The following ABCC8 variants were observed in gnomAD, a reference collection of about 807,000 sequenced individuals.
ABCC8 encodes ATP binding cassette subfamily C member 8.
ABCC8 carries 137 observed loss-of-function variants against 188.0 expected under a neutral mutation model. That is an observed-to-expected ratio of 0.73 (90% CI 0.63 to 0.84). The LOEUF is 0.84. ABCC8 is among the 40% of genes least tolerant of loss of function. The pLI, the probability that ABCC8 is intolerant of heterozygous loss-of-function variation, is 0.00. For missense variants in ABCC8, 1,750 were observed against 2,072.7 expected (o/e 0.84, Z 3.02); for synonymous variants, 797 against 846.5 (o/e 0.94, Z 1.01).
chr11:17,433,551 G>A (rs1955943637), intron 10 of ABCC8, among the ~76,000 whole-genome samples: 1 of 152,268 alleles, frequency 6.6e-6, no homozygotes, highest in Admixed American at 6.5e-5. Context: ...GTGGGTGGAA[G>A]GACATGGCCT....
chr11:17,463,120 C>T (rs1235327403), intron 4 of ABCC8, among the ~76,000 whole-genome samples: 1 of 152,100 alleles, frequency 6.6e-6, no homozygotes, highest in Non-Finnish European at 1.5e-5. Flanking sequence ...AAGTCCCCCA[C>T]CCCCGAAGAA....
At chr11:17,423,887 G>A (rs542346419) in intron 16 of ABCC8, among the ~76,000 whole-genome samples, 1 of 152,222 alleles carries the variant, frequency 6.6e-6, no homozygotes, top group Non-Finnish European at 1.5e-5. Context: ...GCACCTAGGT[G>A]CAAATCCCAC....
At chr11:17,471,613 G>T (rs1394522172) in intron 2 of ABCC8, among the ~76,000 whole-genome samples, 1 of 152,212 alleles carries the variant, frequency 6.6e-6, no homozygotes. Flanking sequence ...ACGTATTCTG[G>T]CCAGTGAGAT....
chr11:17,441,396 C>T (rs949719382), intron 10 of ABCC8, among the ~76,000 whole-genome samples: 5 of 152,190 alleles, frequency 3.3e-5, no homozygotes, highest in South Asian at 4.1e-4. Flanking sequence ...CCAACTTACT[C>T]TCCTTGCCAC....
intron 10 of ABCC8, among the ~76,000 whole-genome samples, chr11:17,433,971 T>C (rs1955965704): frequency 1.3e-5 from 2 of 152,176 alleles, no homozygotes; most frequent in Non-Finnish European, 2.9e-5. Flanking sequence ...ATTATTGGTG[T>C]TCCCACAGCA....
intron 10 of ABCC8, among the ~76,000 whole-genome samples, chr11:17,435,487 G>A (rs1956049754): frequency 6.6e-6 from 1 of 152,224 alleles, no homozygotes; most frequent in South Asian, 2.1e-4. Context: ...GAAACAAGGA[G>A]AAAACTAGAC....
At chr11:17,437,048 G>A (rs1312868848) in intron 10 of ABCC8, among the ~76,000 whole-genome samples, 7 of 123,410 alleles carry the variant, frequency 5.7e-5, no homozygotes, top group Non-Finnish European at 7.9e-5. Context: ...CCGAGATCGC[G>A]CCACTGCACT....
Position 17,402,737 on chromosome 11 carries a change from C to G in ABCC8, c.3574G>C (p.Asp1192His), listed in dbSNP as rs762678223. The change falls in exon 29 of 39, where the codon GAT becomes CAT. Residue 1192 changes from aspartate to histidine, a missense_variant. Coordinates refer to ENST00000389817, the MANE Select transcript of ABCC8 (RefSeq NM_000352.6). The stretch of plus-strand genomic sequence containing the variant: ...AGAAGTGGAAGCTGGGTGGTGTCAT[C>G]CAGCTGCTGCAGGTCCCTGTGGCGG... ...RVASRDLQQL[D>H]DTTQLPLLSH... 3.7e-6 allele frequency: 6 copies of G among 1,614,086 alleles called. No individual in the cohort carries two copies. The highest frequency in any genetic ancestry group is 5.1e-6 in the Non-Finnish European group (6 of 1,180,052).
At position 17,428,674 on chromosome 11, in the gene ABCC8, C is replaced by T; in HGVS notation, c.1818-4G>A. The T allele has an allele frequency of 1.2e-6, 2 of 1,612,222 alleles. No homozygotes were observed. The highest frequency in any genetic ancestry group is 1.7e-6 in the Non-Finnish European group (2 of 1,180,032). ...GAACTCGCTTAGCTTTTGCACGCTG[C>T]TCGGGAAGCACAGAGACACCCCTCA... On this transcript the variant is annotated splice_region_variant and splice_polypyrimidine_tract_variant and intron_variant, in intron 12 of 38. Coordinates refer to ENST00000389817, the MANE Select transcript of ABCC8 (RefSeq NM_000352.6).
chr11:17,437,883 G>A (rs1358158597), intron 10 of ABCC8, among the ~76,000 whole-genome samples: 4 of 152,228 alleles, frequency 2.6e-5, no homozygotes, highest in African/African-American at 9.6e-5. Context: ...TGGATCACCT[G>A]AGGTCAGGAG....
intron 26 of ABCC8, 129 bp downstream of exon 26, chr11:17,406,493 C>T: frequency 2.0e-6 from 2 of 1,023,576 alleles, no homozygotes; most frequent in Non-Finnish European, 2.9e-6. Flanking sequence ...CTTTTACACA[C>T]ACTGTCTCCT....
intron 36 of ABCC8, 82 bp from the exon 37 acceptor site, chr11:17,394,481 G>A: frequency 6.2e-7 from 1 of 1,605,478 alleles, no homozygotes; most frequent in Non-Finnish European, 8.5e-7. Context: ...TTGGGGGGCT[G>A]TTGGAAAATG....
At chr11:17,441,851 G>A (rs1041740551) in intron 10 of ABCC8, among the ~76,000 whole-genome samples, 3 of 152,230 alleles carry the variant, frequency 2.0e-5, no homozygotes, top group Non-Finnish European at 2.9e-5. Context: ...GGAGGCTGAG[G>A]CGGGTGGATC....
At chr11:17,436,430 A>C (rs1275858729) in intron 10 of ABCC8, among the ~76,000 whole-genome samples, 1 of 152,056 alleles carries the variant, frequency 6.6e-6, no homozygotes, top group Non-Finnish European at 1.5e-5. Context: ...ATTTTCCTGA[A>C]CCACATAAAG....
In ABCC8 at chr11:17,427,035, G is replaced by A; in HGVS notation, c.2222+14C>T. 6.2e-7 allele frequency: 1 copy of A among 1,613,332 alleles called. No individual in the cohort carries two copies. The highest frequency in any genetic ancestry group is 8.5e-7 in the Non-Finnish European group (1 of 1,179,628). On this transcript the variant is annotated intron_variant, in intron 16 of 38. Coordinates refer to ENST00000389817, the MANE Select transcript of ABCC8 (RefSeq NM_000352.6). The surrounding 1 kb of genome is among the most constrained non-coding windows in gnomAD (Gnocchi z 5.0). ...GATTTCCCCTCCACTGGGCCCTGAGGATACATGTATTACCTGCTCCAGAAG... is the reference window on the plus strand; with the variant it reads ...GATTTCCCCTCCACTGGGCCCTGAGAATACATGTATTACCTGCTCCAGAAG...
intron 10 of ABCC8, among the ~76,000 whole-genome samples, chr11:17,438,010 G>A (rs1403259267): frequency 1.3e-5 from 2 of 152,242 alleles, no homozygotes; most frequent in Admixed American, 1.3e-4. Context: ...CTGAGGCAGG[G>A]AGAATTACTT....
At chr11:17,412,960 G>A (rs1954888913) in intron 20 of ABCC8, 1 of 1,047,726 alleles carries the variant, frequency 9.5e-7, no homozygotes, top group Non-Finnish European at 1.4e-6. Flanking sequence ...GATTCATTGT[G>A]TAGGCGCTAG....
In ABCC8 at chr11:17,463,541, T is replaced by C; in HGVS notation, c.476A>G (p.Asp159Gly). 1.3e-6 allele frequency: 2 copies of C among 1,596,572 alleles called. No homozygotes were observed. The highest frequency in any genetic ancestry group is 1.7e-6 in the Non-Finnish European group (2 of 1,171,554). The change falls in exon 4 of 39, where the codon GAC becomes GGC. Residue 159 changes from aspartate (D) to glycine (G), a missense_variant. Physicochemically the swap from Asp to Gly is moderately conservative, Grantham distance 94. Transcript: ENST00000389817. ...TKTIKFVKFLDHAIGFSQLRF... is the reference protein window; with the variant it reads ...TKTIKFVKFLGHAIGFSQLRF... Reference sequence around the variant, plus strand: ...TAGCTGCGAGAAGCCGATGGCGTGGTCCAAGAACTTGACAAACTTGATGGT... The same window carrying C: ...TAGCTGCGAGAAGCCGATGGCGTGGCCCAAGAACTTGACAAACTTGATGGT...
chr11:17,410,789 A>G (rs923717495), intron 21 of ABCC8, 136 bp from the exon 22 acceptor site: 69 of 1,408,056 alleles, frequency 4.9e-5, no homozygotes, highest in Non-Finnish European at 6.3e-5. Flanking sequence ...GTGGCTTTGG[A>G]CAACTCACCC....
Sources: gnomAD v4.1 joint callset for allele counts (sites outside exome capture counted in the v4.1 genomes callset) on GRCh38, gnomAD v4.1.1 for gene constraint, Gnocchi (gnomAD v3.1) non-coding constraint, MANE v1.5 for transcripts, NCBI Gene and HGNC (gene_info 2026-07-23, HGNC 2026-07-21) for gene names.